The following EIF2AK3 variants were observed in gnomAD, a reference collection of about 807,000 sequenced individuals.
EIF2AK3 encodes the protein eukaryotic translation initiation factor 2 alpha kinase 3, also known as eukaryotic translation initiation factor 2-alpha kinase 3.
A neutral mutation model predicts 113.5 loss-of-function variants in EIF2AK3; 50 were observed. The observed-to-expected ratio is 0.44, with a 90% CI of 0.35 to 0.56. The LOEUF (loss-of-function observed/expected upper bound fraction) is 0.56, where lower values mean the gene tolerates loss of function less well. Among genes scored for constraint, EIF2AK3 ranks in the 20% least tolerant of loss-of-function variants. The pLI is 0.00. For missense variants in EIF2AK3, 1,185 were observed against 1,378.0 expected, an observed-to-expected ratio of 0.86 and a Z score of 2.22; for synonymous variants, 448 against 495.4, an observed-to-expected ratio of 0.90 and a Z score of 1.27.
Position 88,583,403 on chromosome 2 carries a change from G to C in EIF2AK3, c.1763+27C>G, listed in dbSNP as rs749819675. 8.4e-6 allele frequency: 13 copies of C among 1,544,066 alleles called. No individual in the cohort carries two copies. In the South Asian group the frequency reaches 1.2e-4, roughly 15 times the overall value. On this transcript the variant is annotated intron_variant, in intron 10 of 16. Coordinates refer to ENST00000303236, the MANE Select transcript of EIF2AK3 (RefSeq NM_004836.7). ...CTTAGGTCATTTCTTCTTTGATTCA[G>C]ATGGTTGTATTTTATAAGACTCTTA... is the stretch of plus-strand genomic sequence containing the variant.
intron 13 of EIF2AK3, among the ~76,000 whole-genome samples, chr2:88,573,386 G>A (rs1484167669): frequency 6.6e-6 from 1 of 152,072 alleles, no homozygotes; most frequent in African/African-American, 2.4e-5. Flanking sequence ...TTTCAAGTTG[G>A]CATTTGTGTG....
chr2:88,564,751 C>T (rs1399434872), intron 14 of EIF2AK3, among the ~76,000 whole-genome samples: 2 of 152,106 alleles, frequency 1.3e-5, no homozygotes, highest in Non-Finnish European at 1.5e-5. Context: ...AAGCTAAGTC[C>T]CTATACTGAT....
chr2:88,613,370 A>C (rs1290166684), intron 2 of EIF2AK3, among the ~76,000 whole-genome samples: 1 of 152,188 alleles, frequency 6.6e-6, no homozygotes. Context: ...AAATTCAATA[A>C]AGTTTTTATT....
chr2:88,566,203 T>C (rs960715234), intron 14 of EIF2AK3, among the ~76,000 whole-genome samples: 4 of 152,368 alleles, frequency 2.6e-5, no homozygotes, highest in East Asian at 1.9e-4. Flanking sequence ...TAATCTCTTA[T>C]ACAGTAATGT....
intron 14 of EIF2AK3, among the ~76,000 whole-genome samples, chr2:88,570,224 T>C (rs1674264240): frequency 6.6e-6 from 1 of 152,242 alleles, no homozygotes; most frequent in Non-Finnish European, 1.5e-5. Flanking sequence ...TTCTCAGTTA[T>C]TTCTACAAGT....
intron 13 of EIF2AK3, among the ~76,000 whole-genome samples, chr2:88,573,612 C>T (rs991357796): frequency 6.6e-6 from 1 of 152,082 alleles, no homozygotes; most frequent in Non-Finnish European, 1.5e-5. Flanking sequence ...TTTGGGCCCA[C>T]GTCAAAATCA....
Position 88,627,358 on chromosome 2 carries a change from G to T in EIF2AK3, c.-84C>A. ...CCGCTTGGAGCTCCCAAGAAGGCAA[G>T]GACGTGCTAGGGACCCTACTGCCGC... On this transcript the variant is annotated 5_prime_UTR_variant, in exon 1 of 17. Transcript: ENST00000303236. 7.3e-7 allele frequency: 1 copy of T among 1,373,372 alleles called. No homozygotes were observed. The highest frequency in any genetic ancestry group is 9.5e-7 in the Non-Finnish European group (1 of 1,058,044). 85.1% of individuals were successfully genotyped at this position (1,373,372 alleles called of 1,614,324 possible).
Position 88,558,580 on chromosome 2 carries a change from A to ATTATAC in EIF2AK3, c.3150+336_3150+337insGTATAA, listed in dbSNP as rs537004497. Among the ~76,000 whole-genome samples the ATTATAC allele has an allele frequency of 2.7e-4, 41 of 152,354 alleles. No homozygotes were observed. The South Asian group carries it at 7.5e-3, about 28-fold the overall frequency. On this transcript the variant is annotated intron_variant, in intron 16 of 16. Coordinates refer to ENST00000303236, the MANE Select transcript of EIF2AK3 (RefSeq NM_004836.7). Reference sequence around the variant, plus strand: ...AGTCCATTTTTTAATGCAACCCTTCATTATAATACTGAAAGATAAATTTTG... The same window carrying ATTATAC: ...AGTCCATTTTTTAATGCAACCCTTCATTATACTTATAATACTGAAAGATAAATTTTG...
Position 88,575,191 on chromosome 2 carries a change from A to G in EIF2AK3, c.2292T>C (p.Ser764=). 6.2e-7 allele frequency: 1 copy of G among 1,613,300 alleles called. No homozygotes were observed. Among genetic ancestry groups the G allele is most frequent in the Non-Finnish European group, 8.5e-7 (1 of 1,179,452 alleles). The change falls in exon 13 of 17, where the codon AGT becomes AGC. Residue 764 remains serine, a synonymous_variant. Transcript: ENST00000303236. The part of the protein sequence containing the change: ...SVDAAYNLQD[S]CLTDCDVEDG... ...CTTCCACATCACAGTCTGTAAGGCA[A>G]CTGTCCTGGAGGTTGTATGCTGCAT...
At chr2:88,605,109 A>C (rs1675237777) in intron 2 of EIF2AK3, among the ~76,000 whole-genome samples, 4 of 152,212 alleles carry the variant, frequency 2.6e-5, no homozygotes, top group Admixed American at 2.6e-4. Context: ...ACTCAAACAA[A>C]AGTTTATGAT....
intron 10 of EIF2AK3, among the ~76,000 whole-genome samples, chr2:88,582,596 A>G (rs1674626445): frequency 6.6e-6 from 1 of 152,200 alleles, no homozygotes; most frequent in African/African-American, 2.4e-5. Flanking sequence ...TTTGTTGTGA[A>G]TATGCTTGTG....
chr2:88,622,434 G>T (rs1304385630), intron 1 of EIF2AK3, among the ~76,000 whole-genome samples: 1 of 152,224 alleles, frequency 6.6e-6, no homozygotes, highest in Non-Finnish European at 1.5e-5. Context: ...ACAGCTCACA[G>T]CAACTGATAA....
At position 88,557,585 on chromosome 2, in the gene EIF2AK3, C is replaced by CA; in HGVS notation, c.*150dup. ...GTTGGCTCAAATTAGGTTATGCCCC[C>CA]AAATCCAGCTTAAATTTGATATAAA... On this transcript the variant is annotated 3_prime_UTR_variant, in exon 17 of 17. Coordinates refer to ENST00000303236, the MANE Select transcript of EIF2AK3 (RefSeq NM_004836.7). The CA allele has an allele frequency of 7.2e-6, 6 of 830,728 alleles. No individual in the cohort carries two copies. The highest frequency in any genetic ancestry group is 1.0e-5 in the Non-Finnish European group (5 of 498,198). 51.5% of individuals were successfully genotyped at this position (830,728 alleles called of 1,614,324 possible).
chr2:88,574,238 A>T (rs1237982715), intron 13 of EIF2AK3, among the ~76,000 whole-genome samples: 2 of 152,172 alleles, frequency 1.3e-5, no homozygotes, highest in African/African-American at 4.8e-5. Context: ...CTCTCCTTCC[A>T]TTCGGATCCC....
intron 2 of EIF2AK3, among the ~76,000 whole-genome samples, chr2:88,602,856 G>C (rs533747315): frequency 6.6e-6 from 1 of 151,890 alleles, no homozygotes; most frequent in South Asian, 2.1e-4. Context: ...TGTATGTGGG[G>C]TTTAAAACCT....
chr2:88,621,366 T>C (rs1675717159), intron 1 of EIF2AK3, among the ~76,000 whole-genome samples: 2 of 152,264 alleles, frequency 1.3e-5, no homozygotes, highest in African/African-American at 2.4e-5. Flanking sequence ...TTTTATTTCC[T>C]GTGGAAGTTT....
At chr2:88,575,777 C>G (rs1044519356) in intron 12 of EIF2AK3, among the ~76,000 whole-genome samples, 4 of 152,216 alleles carry the variant, frequency 2.6e-5, no homozygotes, top group Non-Finnish European at 5.9e-5. Context: ...AGGGCAGCGC[C>G]TCACAAGGCC....
intron 10 of EIF2AK3, among the ~76,000 whole-genome samples, chr2:88,583,103 A>C (rs565565716): frequency 6.6e-6 from 1 of 152,250 alleles, no homozygotes; most frequent in South Asian, 2.1e-4. Flanking sequence ...CGAAACGTGG[A>C]GACTCATATC....
Position 88,557,444 on chromosome 2 carries a change from TTGC to T in EIF2AK3, c.*289_*291del. On this transcript the variant is annotated 3_prime_UTR_variant, in exon 17 of 17. Transcript: ENST00000303236. The stretch of plus-strand genomic sequence containing the variant: ...TCTCACTATATATATATATTAGGGA[TTGC>T]TGCTACCTCCTTAGGCAAATGGTGA... The T allele has an allele frequency of 2.2e-6, 1 of 445,656 alleles. No individual in the cohort carries two copies. The allele number at this position is 445,656 out of a possible 1,614,324, so 27.6% of individuals were successfully genotyped here.
Sources: allele counts gnomAD v4.1 joint callset (sites outside exome capture counted in the v4.1 genomes callset), GRCh38; gene constraint gnomAD v4.1.1; transcripts MANE v1.5; gene names NCBI Gene and HGNC (gene_info 2026-07-23, HGNC 2026-07-21).